PARVA: variants seen among roughly 807,000 people sequenced by gnomAD.
PARVA encodes parvin alpha.
Under a neutral mutation model 52.6 loss-of-function variants are expected in PARVA, and 25 were observed. That is an observed-to-expected ratio of 0.48 (90% CI 0.35 to 0.66). The LOEUF is 0.66. Ranked by LOEUF, PARVA falls within the 30% of genes least tolerant of loss-of-function variation. PARVA has a pLI of 0.01. For synonymous variants in PARVA, 185 were observed against 179.1 expected (o/e 1.03, Z -0.26); for missense variants, 373 against 450.9 (o/e 0.83, Z 1.56).
intron 1 of PARVA, among the ~76,000 whole-genome samples, chr11:12,437,821 C>T (rs1196741009): frequency 6.6e-6 from 1 of 152,138 alleles, no homozygotes; most frequent in Non-Finnish European, 1.5e-5. Context: ...GGAAAGGTGG[C>T]AGCTTGGTCG....
At position 12,534,066 on chromosome 11, in the gene PARVA, G is replaced by T. The variant is rs932114549; in HGVS notation, c.*6141G>T. Among the ~76,000 whole-genome samples the T allele has an allele frequency of 6.6e-6, 1 of 152,138 alleles. No individual in the cohort carries two copies. The highest frequency in any genetic ancestry group is 1.5e-5 in the Non-Finnish European group (1 of 68,028). On this transcript the variant is annotated 3_prime_UTR_variant, in exon 13 of 13. Transcript: ENST00000334956. Reference sequence around the variant, plus strand: ...GCCTGTAATCCCAGCTACTCAGGGGGCTGAGGCAGAAGTATTGCTTGAACC... The same window carrying T: ...GCCTGTAATCCCAGCTACTCAGGGGTCTGAGGCAGAAGTATTGCTTGAACC...
chr11:12,464,208 T>C (rs1422996872), intron 1 of PARVA, among the ~76,000 whole-genome samples: 3 of 152,006 alleles, frequency 2.0e-5, no homozygotes, highest in Admixed American at 2.0e-4. Flanking sequence ...GTGTGTGCAC[T>C]AATTTATAGA....
intron 1 of PARVA, among the ~76,000 whole-genome samples, chr11:12,450,667 G>A (rs998754644): frequency 2.0e-5 from 3 of 152,220 alleles, no homozygotes; most frequent in African/African-American, 7.2e-5. Flanking sequence ...AAGGAAGCCA[G>A]TGGTGGGTCA....
At chr11:12,476,647 G>A (rs750554831) in intron 3 of PARVA, among the ~76,000 whole-genome samples, 2 of 152,056 alleles carry the variant, frequency 1.3e-5, no homozygotes, top group Non-Finnish European at 2.9e-5. Flanking sequence ...AACTCTTTAT[G>A]TTATAATCCT....
chr11:12,455,403 C>T (rs1940681627), intron 1 of PARVA, among the ~76,000 whole-genome samples: 2 of 152,188 alleles, frequency 1.3e-5, no homozygotes, highest in Admixed American at 1.3e-4. Context: ...GGTTTCCTAG[C>T]ATCCTCCAGA....
chr11:12,493,717 CAGTA>C (rs1370179278), intron 4 of PARVA, among the ~76,000 whole-genome samples: 1 of 152,292 alleles, frequency 6.6e-6, no homozygotes, highest in African/African-American at 2.4e-5. Context: ...ATGGATGCTT[CAGTA>C]AGTAAGGTGT....
intron 1 of PARVA, among the ~76,000 whole-genome samples, chr11:12,463,769 T>G (rs1940816223): frequency 6.6e-6 from 1 of 152,226 alleles, no homozygotes; most frequent in African/African-American, 2.4e-5. Flanking sequence ...GATTAGTTTC[T>G]TCTCTTCCAT....
intron 1 of PARVA, among the ~76,000 whole-genome samples, chr11:12,472,247 CATAATGTTTTAA>C (rs1304628692): frequency 6.6e-6 from 1 of 152,184 alleles, no homozygotes; most frequent in East Asian, 1.9e-4. Context: ...CAGATAATGT[CATAATGTTTTAA>C]GAAAGTTTAT....
chr11:12,410,412 G>A (rs965180167), intron 1 of PARVA, among the ~76,000 whole-genome samples: 3 of 152,238 alleles, frequency 2.0e-5, no homozygotes, highest in East Asian at 1.9e-4. Context: ...CTTGGGCTGC[G>A]GTTATTTTCT....
At chr11:12,516,719 A>G (rs540584938) in intron 10 of PARVA, among the ~76,000 whole-genome samples, 32 of 152,328 alleles carry the variant, frequency 2.1e-4, no homozygotes, top group African/African-American at 5.8e-4. Flanking sequence ...TATTTATTCA[A>G]TGCTACATGC....
chr11:12,501,769 A>C (rs1463551826), intron 5 of PARVA, among the ~76,000 whole-genome samples: 1 of 152,194 alleles, frequency 6.6e-6, no homozygotes, highest in Non-Finnish European at 1.5e-5. Context: ...TTCTAAAAAA[A>C]ATCCCAGGAG....
chr11:12,377,430 G>C (rs940780108), upstream of PARVA: 13 of 1,375,294 alleles, frequency 9.5e-6, no homozygotes, highest in Admixed American at 3.9e-5. Context: ...GCAAGGCGCG[G>C]CCCCGGGAGC....
intron 12 of PARVA, among the ~76,000 whole-genome samples, chr11:12,522,421 C>CCTTT (rs936229306): frequency 2.2e-5 from 3 of 134,634 alleles, no homozygotes; most frequent in African/African-American, 5.6e-5. Context: ...GAGCTTTATT[C>CCTTT]TTTTTTTTTT....
In PARVA at chr11:12,528,223, A is replaced by G; in HGVS notation, c.*298A>G. 2.2e-6 allele frequency: 1 copy of G among 451,932 alleles called. No individual in the cohort carries two copies. The allele number at this position is 451,932 out of a possible 1,614,324, so 28.0% of individuals were successfully genotyped here. On this transcript the variant is annotated 3_prime_UTR_variant, in exon 13 of 13. Coordinates refer to ENST00000334956, the MANE Select transcript of PARVA (RefSeq NM_018222.5). The stretch of plus-strand genomic sequence containing the variant: ...ATGATTTGGGAACCAGCTTAGGCAA[A>G]AGAGTCCCCACAAGATGAAAATAAA...
At chr11:12,408,165 ATTAAATCCAG>A (rs1432667683) in intron 1 of PARVA, among the ~76,000 whole-genome samples, 1 of 150,898 alleles carries the variant, frequency 6.6e-6, no homozygotes, top group Non-Finnish European at 1.5e-5. Context: ...GGCCCTACTT[ATTAAATCCAG>A]CCACTGAGAC....
At chr11:12,469,093 C>G (rs1403742373) in intron 1 of PARVA, among the ~76,000 whole-genome samples, 1 of 152,132 alleles carries the variant, frequency 6.6e-6, no homozygotes, top group African/African-American at 2.4e-5. Flanking sequence ...GGGAGCAAAC[C>G]ACCAATGTCA....
At chr11:12,416,990 C>G (rs761868441) in intron 1 of PARVA, among the ~76,000 whole-genome samples, 1 of 152,110 alleles carries the variant, frequency 6.6e-6, no homozygotes, top group South Asian at 2.1e-4. Flanking sequence ...TTTTAAATGC[C>G]CCTGAGTCAC....
chr11:12,506,163 T>C (rs1941428805), intron 6 of PARVA, among the ~76,000 whole-genome samples: 1 of 152,208 alleles, frequency 6.6e-6, no homozygotes, highest in African/African-American at 2.4e-5. Flanking sequence ...CTCAGACTGC[T>C]CTGGAAAATA....
In PARVA at chr11:12,377,595, C is replaced by G. The variant is rs543590257; in HGVS notation, c.-53C>G. On this transcript the variant is annotated 5_prime_UTR_variant, in exon 1 of 13. Coordinates refer to ENST00000334956, the MANE Select transcript of PARVA (RefSeq NM_018222.5). ...CAGTCCCGCCGCCGCCCGCTGCGTC[C>G]GCCCAGCGCCAGCTCCGCGTCCCGA... 1 of 1,510,342 alleles carries G rather than the reference C, an allele frequency of 6.6e-7. No individual in the cohort carries two copies. The highest frequency in any genetic ancestry group is 8.8e-7 in the Non-Finnish European group (1 of 1,133,528). The allele number at this position is 1,510,342 out of a possible 1,614,324, so 93.6% of individuals were successfully genotyped here. A position where few individuals can be genotyped will look rare whatever the true frequency, so the allele number is the denominator to read the frequency against.
Sources: gnomAD v4.1 joint callset for allele counts (sites outside exome capture counted in the v4.1 genomes callset) on GRCh38, gnomAD v4.1.1 for gene constraint, MANE v1.5 for transcripts, NCBI Gene and HGNC (gene_info 2026-07-23, HGNC 2026-07-21) for gene names.